USP54: variants seen among roughly 807,000 people sequenced by gnomAD.
USP54 encodes the protein ubiquitin specific peptidase 54, also known as ubiquitin carboxyl-terminal hydrolase 54.
A neutral mutation model predicts 170.5 loss-of-function variants in USP54; 87 were observed. The ratio of observed to expected loss-of-function variants is 0.51; its 90% confidence interval spans 0.43 to 0.61. The LOEUF is 0.61. Among genes scored for constraint, USP54 ranks in the 20% least tolerant of loss-of-function variants. USP54 has a pLI of 0.00. For missense variants in USP54, 1,786 were observed against 2,047.8 expected (o/e 0.87, Z 2.47); for synonymous variants, 655 against 742.8 (o/e 0.88, Z 1.92).
intron 4 of USP54, among the ~76,000 whole-genome samples, chr10:73,570,916 T>C (rs1439452975): frequency 6.6e-6 from 1 of 151,986 alleles, no homozygotes. Context: ...GGCAGGCAGA[T>C]CACCTGAAGT....
chr10:73,615,523 T>C (rs773541875), intron 1 of USP54, among the ~76,000 whole-genome samples: 4 of 150,618 alleles, frequency 2.7e-5, no homozygotes, highest in Admixed American at 6.6e-5. Context: ...AATTCCCCAT[T>C]TTACATGATT....
At chr10:73,586,416 T>A (rs2077489989) in intron 1 of USP54, among the ~76,000 whole-genome samples, 1 of 152,204 alleles carries the variant, frequency 6.6e-6, no homozygotes, top group African/African-American at 2.4e-5. Context: ...CATGGTGGGG[T>A]TTGGATTACA....
chr10:73,500,616 C>T (rs2057908062), intron 23 of USP54, 39 bp downstream of exon 23: 2 of 1,547,384 alleles, frequency 1.3e-6, no homozygotes, highest in Non-Finnish European at 8.7e-7. Flanking sequence ...TGAAAAGGTA[C>T]CAAATTCTGG....
intron 3 of USP54, among the ~76,000 whole-genome samples, chr10:73,571,936 A>T (rs1211187837): frequency 6.6e-6 from 1 of 152,246 alleles, no homozygotes; most frequent in Non-Finnish European, 1.5e-5. Flanking sequence ...TAGGACTCTC[A>T]ATTTTCAGAC....
rs1167003095 is a variant in USP54 at position 73,500,660 on chromosome 10, A to T, written c.4490T>A (p.Leu1497His). The change falls in exon 23 of 24, where the codon CTC (leucine) becomes CAC (histidine). Residue 1497 changes from leucine (L) to histidine (H), a missense_variant. By Grantham distance (99) the Leu-to-His change is moderately conservative. This residue lies in a region of USP54 where 1,418 missense variants were observed against 1,569.0 expected (regional missense o/e 0.90). Coordinates refer to ENST00000687698, the MANE Select transcript of USP54 (RefSeq NM_001391956.1). Reference protein sequence around the residue: ...MPTMAGEPNRLPGTSRSVQQF... With the variant: ...MPTMAGEPNRHPGTSRSVQQF... ...ATTAGATTTGGGGGAGTTACCTGGG[A>T]GTCTATTGGGCTCCCCTGCCATGGT... The T allele has an allele frequency of 6.3e-7, 1 of 1,591,490 alleles. No homozygotes were observed. The highest frequency in any genetic ancestry group is 1.1e-5 in the South Asian group (1 of 88,412).
intron 4 of USP54, among the ~76,000 whole-genome samples, chr10:73,551,930 C>A (rs879464356): frequency 6.6e-6 from 1 of 152,148 alleles, no homozygotes; most frequent in African/African-American, 2.4e-5. Context: ...AATGAAATAG[C>A]AACTCTCCTA....
chr10:73,598,269 T>C (rs1411397096), intron 1 of USP54, among the ~76,000 whole-genome samples: 1 of 152,176 alleles, frequency 6.6e-6, no homozygotes, highest in Non-Finnish European at 1.5e-5. Context: ...GCTGGAATAA[T>C]TGAATATCCC....
At chr10:73,570,164 T>C (rs546036301) in intron 4 of USP54, among the ~76,000 whole-genome samples, 1 of 151,888 alleles carries the variant, frequency 6.6e-6, no homozygotes, top group Non-Finnish European at 1.5e-5. Context: ...TACTCAGAAA[T>C]CAGACAGACT....
chr10:73,569,729 G>A (rs1204578226), intron 4 of USP54, among the ~76,000 whole-genome samples: 1 of 147,424 alleles, frequency 6.8e-6, no homozygotes, highest in Non-Finnish European at 1.5e-5. Flanking sequence ...TCCAGCCTGG[G>A]CAACAAGAGT....
At position 73,516,637 on chromosome 10, in the gene USP54, C is replaced by G. The variant is rs1278795849; in HGVS notation, c.3789G>C (p.Trp1263Cys). ...DLGTSLPLDSWVNITRFCDSQ... is the reference protein window; with the variant it reads ...DLGTSLPLDSCVNITRFCDSQ... ...AATCACAGAACCTTGTGATATTCAC[C>G]CAGGAATCCAAAGGCAAGGAAGTCC... The change falls in exon 20 of 24, where the codon TGG (tryptophan) becomes TGC (cysteine). Residue 1263 changes from tryptophan (W) to cysteine (C), a missense_variant. Transcript: ENST00000687698. 6.2e-7 allele frequency: 1 copy of G among 1,614,176 alleles called. No individual in the cohort carries two copies. The highest frequency in any genetic ancestry group is 1.1e-5 in the South Asian group (1 of 91,086).
intron 4 of USP54, among the ~76,000 whole-genome samples, chr10:73,553,888 TA>T (rs2070280206): frequency 6.6e-6 from 1 of 152,208 alleles, no homozygotes; most frequent in Non-Finnish European, 1.5e-5. Flanking sequence ...TTTTAACGAC[TA>T]AAAGCAGGTG....
intron 5 of USP54, among the ~76,000 whole-genome samples, chr10:73,544,160 C>T (rs1037803189): frequency 2.0e-5 from 3 of 152,144 alleles, no homozygotes; most frequent in Admixed American, 6.5e-5. Flanking sequence ...CCAGGCTGCT[C>T]TCGAACTCCT....
At chr10:73,569,324 G>A (rs1377473479) in intron 4 of USP54, among the ~76,000 whole-genome samples, 1 of 152,024 alleles carries the variant, frequency 6.6e-6, no homozygotes, top group African/African-American at 2.4e-5. Flanking sequence ...GATACTTAAT[G>A]TATCTTTCAG....
At chr10:73,610,050 T>A (rs1196509643) in intron 1 of USP54, among the ~76,000 whole-genome samples, 1 of 147,148 alleles carries the variant, frequency 6.8e-6, no homozygotes, top group Non-Finnish European at 1.5e-5. Context: ...TGGTGGCACA[T>A]GCCCGTAATC....
chr10:73,560,483 G>A (rs1476576825), intron 4 of USP54, among the ~76,000 whole-genome samples: 4 of 147,386 alleles, frequency 2.7e-5, no homozygotes, highest in South Asian at 2.1e-4. Context: ...GTGAAACCCC[G>A]TCTCTACTAA....
chr10:73,556,543 A>ACCATCT (rs1413851115), intron 4 of USP54, among the ~76,000 whole-genome samples: 1 of 151,604 alleles, frequency 6.6e-6, no homozygotes, highest in African/African-American at 2.4e-5. Flanking sequence ...ACAGGGTTTC[A>ACCATCT]CCATCTTGGC....
intron 15 of USP54, chr10:73,529,009 GT>G (rs1225808618): frequency 3.9e-5 from 6 of 152,170 alleles, no homozygotes; most frequent in Non-Finnish European, 7.3e-5. Flanking sequence ...TTGTAGTCAT[GT>G]TTTACATTAG....
intron 10 of USP54, among the ~76,000 whole-genome samples, chr10:73,539,076 C>T (rs528511776): frequency 3.3e-5 from 5 of 151,778 alleles, no homozygotes; most frequent in Admixed American, 6.6e-5. Flanking sequence ...GTCAGGAGTT[C>T]GAGACCAGCC....
chr10:73,499,028 A>C lies in USP54; in HGVS notation c.4656T>G (p.Ile1552Met), dbSNP rs770824431. ...WAPWSETNQH[I>M]GTRFLTTPGC... ...CTGGAGTAGTCAGGAATCTGGTCCC[A>C]ATATGCTGGTTGGTCTCTGACCAGG... The change falls in exon 24 of 24, where the codon ATT becomes ATG. Residue 1552 changes from isoleucine to methionine, a missense_variant. By Grantham distance (10) the Ile-to-Met change is conservative. Coordinates refer to ENST00000687698, the MANE Select transcript of USP54 (RefSeq NM_001391956.1). The C allele has an allele frequency of 3.7e-6, 6 of 1,614,010 alleles. No homozygotes were observed. In the African/African-American group the frequency reaches 8.0e-5, roughly 22 times the overall value.
Sources: allele counts gnomAD v4.1 joint callset (sites outside exome capture counted in the v4.1 genomes callset), GRCh38; gene constraint gnomAD v4.1.1; regional missense constraint gnomAD v4.1.1; transcripts MANE v1.5; gene names NCBI Gene and HGNC (gene_info 2026-07-23, HGNC 2026-07-21).